Variants in RASGRF1 observed in about 807,000 individuals in gnomAD.
RASGRF1 encodes the protein Ras protein specific guanine nucleotide releasing factor 1.
In RASGRF1, 40 loss-of-function variants were observed where a neutral mutation model predicts 138.7. The observed-to-expected ratio is 0.29, with a 90% CI of 0.22 to 0.38. The LOEUF (loss-of-function observed/expected upper bound fraction) is 0.38. Among genes scored for constraint, RASGRF1 ranks in the 10% least tolerant of loss-of-function variants. The pLI, the probability that RASGRF1 is intolerant of heterozygous loss-of-function variation, is 1.00. For missense variants in RASGRF1, 1,108 were observed against 1,650.4 expected, an observed-to-expected ratio of 0.67 and a Z score of 5.69; for synonymous variants, 614 against 663.2, an observed-to-expected ratio of 0.93 and a Z score of 1.14.
At chr15:78,963,788 A>C (rs2141581880) in intron 26 of RASGRF1, among the ~76,000 whole-genome samples, 1 of 152,346 alleles carries the variant, frequency 6.6e-6, no homozygotes, top group Non-Finnish European at 1.5e-5. Flanking sequence ...CAGCACTTCT[A>C]GGAAGATGAC....
Position 79,031,445 on chromosome 15 carries a change from C to T in RASGRF1, c.1217G>A (p.Arg406His), listed in dbSNP as rs767154776. 12 of 1,613,168 alleles carry T rather than the reference C, an allele frequency of 7.4e-6. No homozygotes were observed. The highest frequency in any genetic ancestry group is 2.2e-5 in the East Asian group (1 of 44,858). ...LAHTPHEHVE[R>H]NSLDYAKSKL... ...GGACTTGGCGTAGTCCAGGCTGTTG[C>T]GCTCAACGTGCTCATGAGGCGTGTG... The change falls in exon 8 of 27, where the codon CGC becomes CAC. Residue 406 changes from arginine to histidine, a missense_variant. Arg to His is a conservative substitution (Grantham distance 29, BLOSUM62 0). This residue lies in a region of RASGRF1 where 169 missense variants were observed against 344.2 expected (regional missense o/e 0.49). Coordinates refer to ENST00000558480, the MANE Select transcript of RASGRF1 (RefSeq NM_001145648.3).
At chr15:79,004,572 G>T in intron 14 of RASGRF1, 1 of 948,436 alleles carries the variant, frequency 1.1e-6, no homozygotes, top group Non-Finnish European at 1.3e-6. Context: ...CATGTTTTGT[G>T]GAATGAGGAA....
intron 8 of RASGRF1, among the ~76,000 whole-genome samples, chr15:79,030,945 C>T (rs1012444710): frequency 3.3e-5 from 5 of 152,322 alleles, no homozygotes; most frequent in African/African-American, 1.2e-4. Flanking sequence ...AGGACAGGGG[C>T]ACTAGATTGG....
rs1426704959 is a variant in RASGRF1, at chr15:79,006,578, C to T, written c.1827-144G>A. 5.9e-6 allele frequency: 6 copies of T among 1,016,980 alleles called. No individual in the cohort carries two copies. In the East Asian group the frequency reaches 1.6e-4, roughly 27 times the overall value. The allele number at this position is 1,016,980 out of a possible 1,614,324, so 63.0% of individuals were successfully genotyped here. On this transcript the variant is annotated intron_variant, in intron 13 of 26. Coordinates refer to ENST00000558480, the MANE Select transcript of RASGRF1 (RefSeq NM_001145648.3). The surrounding 1 kb of genome is among the most constrained non-coding windows in gnomAD (Gnocchi z 4.0). ...GAGAACAAGCTTGGGAAGGATGACACTGAAGGAGGGCTACAACTTCTTTTT... is the reference window on the plus strand; with the variant it reads ...GAGAACAAGCTTGGGAAGGATGACATTGAAGGAGGGCTACAACTTCTTTTT...
intron 3 of RASGRF1, 35 bp from the exon 4 acceptor site, chr15:79,049,623 G>T: frequency 6.4e-7 from 1 of 1,574,602 alleles, no homozygotes; most frequent in South Asian, 1.1e-5. Flanking sequence ...TGTGAGGGGC[G>T]CTGGCTCACA....
At chr15:78,977,844 TG>T (rs776523457) in intron 24 of RASGRF1, among the ~76,000 whole-genome samples, 9 of 152,244 alleles carry the variant, frequency 5.9e-5, no homozygotes, top group Non-Finnish European at 1.2e-4. Flanking sequence ...TAGTCAAAAC[TG>T]GAATCGGCCC....
rs1401369686 is a variant in RASGRF1 at position 78,973,265 on chromosome 15, A to C, written c.3612+38T>G. On this transcript the variant is annotated intron_variant, in intron 25 of 26. Transcript: ENST00000558480. This position sits in a 1 kb window ranked among gnomAD's most constrained non-coding sequence, Gnocchi z 4.9. ...CCCCAGGTTGAGTCATCTGGGCTTC[A>C]ACGCCCCCCTTCCCCTGCCTGGCTG... The C allele has an allele frequency of 1.3e-6, 2 of 1,509,210 alleles. No individual in the cohort carries two copies. The highest frequency in any genetic ancestry group is 1.8e-6 in the Non-Finnish European group (2 of 1,097,922). The allele number at this position is 1,509,210 out of a possible 1,614,324, so 93.5% of individuals were successfully genotyped here.
At chr15:78,968,432 C>A (rs2055688115) in intron 26 of RASGRF1, among the ~76,000 whole-genome samples, 1 of 151,964 alleles carries the variant, frequency 6.6e-6, no homozygotes, top group African/African-American at 2.4e-5. Context: ...CCACCATGCC[C>A]AGCTAATTAT....
chr15:78,982,991 C>T (rs755326389), intron 23 of RASGRF1, among the ~76,000 whole-genome samples: 44 of 152,124 alleles, frequency 2.9e-4, no homozygotes, highest in Non-Finnish European at 5.6e-4. Flanking sequence ...AGGGGCTGAA[C>T]CAGACTTGGA....
Position 79,073,795 on chromosome 15 carries a change from TAA to T in RASGRF1, c.277-9271_277-9270del, listed in dbSNP as rs749621945. 2.0e-5 allele frequency among the ~76,000 whole-genome samples: 3 copies of T among 152,178 alleles called. No homozygotes were observed. The highest frequency in any genetic ancestry group is 2.9e-5 in the Non-Finnish European group (2 of 68,024). The stretch of plus-strand genomic sequence containing the variant: ...CCACCCTTACTGCCATGAGAGTCCT[TAA>T]AGTCACTGGAGCTGCAGCAGCACCC... On this transcript the variant is annotated intron_variant, in intron 1 of 26. Coordinates refer to ENST00000558480, the MANE Select transcript of RASGRF1 (RefSeq NM_001145648.3). This position sits in a 1 kb window ranked among gnomAD's most constrained non-coding sequence, Gnocchi z 4.2.
intron 13 of RASGRF1, 86 bp downstream of exon 13, chr15:79,015,241 T>G: frequency 7.5e-7 from 1 of 1,333,400 alleles, no homozygotes; most frequent in Non-Finnish European, 1.1e-6. Flanking sequence ...CCCCAGTAGC[T>G]GGCTCATCCC....
chr15:78,995,606 G>T, intron 20 of RASGRF1, 134 bp downstream of exon 20: 2 of 1,122,134 alleles, frequency 1.8e-6, no homozygotes, highest in Non-Finnish European at 1.3e-6. Flanking sequence ...GTTGTTTTAA[G>T]CCGCCCAGTT....
intron 13 of RASGRF1, among the ~76,000 whole-genome samples, chr15:79,011,647 G>A (rs2056797225): frequency 6.6e-6 from 1 of 152,188 alleles, no homozygotes; most frequent in African/African-American, 2.4e-5. Context: ...GCAATTCTGT[G>A]CCATTGGCCC....
intron 1 of RASGRF1, among the ~76,000 whole-genome samples, chr15:79,077,955 C>T (rs1474843257): frequency 6.6e-6 from 1 of 152,128 alleles, no homozygotes; most frequent in Non-Finnish European, 1.5e-5. Context: ...TGGCTGATCC[C>T]ACCCCTTACC....
chr15:79,076,524 C>T (rs545450244), intron 1 of RASGRF1, among the ~76,000 whole-genome samples: 2 of 152,286 alleles, frequency 1.3e-5, no homozygotes, highest in East Asian at 3.9e-4. Flanking sequence ...TCTGAGGCTC[C>T]TGGGAATGTG....
At chr15:79,085,300 G>C (rs534745878) in intron 1 of RASGRF1, among the ~76,000 whole-genome samples, 1 of 152,204 alleles carries the variant, frequency 6.6e-6, no homozygotes, top group South Asian at 2.1e-4. Context: ...GATAGGAAAG[G>C]GGAGGCACAT....
intron 3 of RASGRF1, among the ~76,000 whole-genome samples, chr15:79,053,986 G>A (rs1489342386): frequency 1.3e-5 from 2 of 152,244 alleles, no homozygotes; most frequent in Non-Finnish European, 2.9e-5. Flanking sequence ...AAACTGACTT[G>A]TAGCATTTGC....
chr15:79,015,497 T>G, intron 12 of RASGRF1, 88 bp from the exon 13 acceptor site: 1 of 1,205,544 alleles, frequency 8.3e-7, no homozygotes, highest in East Asian at 2.3e-5. Context: ...AAAGTTCACA[T>G]GCCTCAGTCT....
At chr15:79,082,135 A>C (rs1474935201) in intron 1 of RASGRF1, among the ~76,000 whole-genome samples, 1 of 152,188 alleles carries the variant, frequency 6.6e-6, no homozygotes, top group Non-Finnish European at 1.5e-5. Context: ...CTGGCTGCAG[A>C]GAGGCCAGTG....
Sources: gnomAD v4.1 joint callset for allele counts (sites outside exome capture counted in the v4.1 genomes callset) on GRCh38, gnomAD v4.1.1 for gene constraint, gnomAD v4.1.1 regional missense constraint, Gnocchi (gnomAD v3.1) non-coding constraint, MANE v1.5 for transcripts, NCBI Gene and HGNC (gene_info 2026-07-23, HGNC 2026-07-21) for gene names.